ZNHIT1: variants seen among roughly 807,000 people sequenced by gnomAD.
ZNHIT1 encodes the protein zinc finger HIT domain-containing protein 1.
A neutral mutation model predicts 21.4 loss-of-function variants in ZNHIT1; 20 were observed. That is an observed-to-expected ratio of 0.93 (90% CI 0.66 to 1.36). The LOEUF is 1.36. Among genes scored for constraint, ZNHIT1 ranks in the 40% most tolerant of loss-of-function variants. ZNHIT1 has a pLI of 0.00. For missense variants in ZNHIT1, 170 were observed against 213.5 expected, an observed-to-expected ratio of 0.80 and a Z score of 1.27; for synonymous variants, 79 against 84.0, an observed-to-expected ratio of 0.94 and a Z score of 0.32.
In ZNHIT1 at chr7:101,222,766, C is replaced by T. The variant is rs372877953; in HGVS notation, c.185C>T (p.Ala62Val). Reference protein sequence around the residue: ...GKRLPQFDDDADTGKKKKKTR... With the variant: ...GKRLPQFDDDVDTGKKKKKTR... ...AGACTGCCTCAGTTTGATGACGATG[C>T]GGACACTGGTGAGGCGGATGGAGGA... is the stretch of plus-strand genomic sequence containing the variant. The change falls in exon 2 of 5, where the codon GCG becomes GTG. Residue 62 changes from alanine to valine, a missense_variant. Coordinates refer to ENST00000305105, the MANE Select transcript of ZNHIT1 (RefSeq NM_006349.3). 1.9e-5 allele frequency: 31 copies of T among 1,613,472 alleles called. No homozygotes were observed. The Middle Eastern group carries it at 4.9e-4, about 26-fold the overall frequency.
intron 1 of ZNHIT1, chr7:101,220,963 G>A (rs1480383916): frequency 6.6e-6 from 1 of 152,220 alleles, no homozygotes; most frequent in Non-Finnish European, 1.5e-5. Context: ...CGTTGGTCAG[G>A]CTGGTCTCGA....
chr7:101,218,565 C>T (rs894661111), intron 1 of ZNHIT1: 69 of 296,302 alleles, frequency 2.3e-4, no homozygotes, highest in Non-Finnish European at 7.5e-5. Flanking sequence ...CGTGAGCTGC[C>T]GCGCCCGGCC....
intron 1 of ZNHIT1, chr7:101,221,892 G>A (rs1482350216): frequency 6.6e-6 from 1 of 152,120 alleles, no homozygotes; most frequent in Admixed American, 6.6e-5. Flanking sequence ...GTGGGTGGGT[G>A]GTCCCCCAGG....
In ZNHIT1 at chr7:101,223,533, T is replaced by C. The variant is rs1383354696; in HGVS notation, c.250T>C (p.Phe84Leu). 2 of 1,614,016 alleles carry C rather than the reference T, an allele frequency of 1.2e-6. No homozygotes were observed. Among genetic ancestry groups the C allele is most frequent in the Non-Finnish European group, 1.7e-6 (2 of 1,180,010 alleles). The change falls in exon 3 of 5, where the codon TTT (phenylalanine) becomes CTT (leucine). Residue 84 changes from phenylalanine (F) to leucine (L), a missense_variant. Transcript: ENST00000305105. ...TTTTAAACTTCGCTTCCGAAAAAACTTTCAGGCCCTGTTGGAGGAGCAGGT... is the reference window on the plus strand; with the variant it reads ...TTTTAAACTTCGCTTCCGAAAAAACCTTCAGGCCCTGTTGGAGGAGCAGGT... ...DHFKLRFRKN[F>L]QALLEEQNLS...
At chr7:101,223,593 A>G in intron 3 of ZNHIT1, 37 bp downstream of exon 3, 1 of 1,614,038 alleles carries the variant, frequency 6.2e-7, no homozygotes. Flanking sequence ...CCCCACAGGG[A>G]AGGGGTGAGC....
At position 101,218,635 on chromosome 7, in the gene ZNHIT1, C is replaced by T. The variant is rs141421517; in HGVS notation, c.22+418C>T. The T allele has an allele frequency of 2.1e-4, 41 of 196,940 alleles. 1 individual carries two copies. In the South Asian group the frequency reaches 5.1e-3, roughly 25 times the overall value. The allele number at this position is 196,940 out of a possible 1,614,324, so 12.2% of individuals were successfully genotyped here. A position where few individuals can be genotyped will look rare whatever the true frequency, so the allele number is the denominator to read the frequency against. ...CGGGTCCTGGCGTTGACCCTTCATTCACGTTTTATTGGTGCCTGCTCCAAG... is the reference window on the plus strand; with the variant it reads ...CGGGTCCTGGCGTTGACCCTTCATTTACGTTTTATTGGTGCCTGCTCCAAG... On this transcript the variant is annotated intron_variant, in intron 1 of 4. Transcript: ENST00000305105.
intron 1 of ZNHIT1, 52 bp from the exon 2 acceptor site, chr7:101,222,552 A>G: frequency 6.4e-7 from 1 of 1,571,384 alleles, no homozygotes; most frequent in Non-Finnish European, 8.6e-7. Context: ...AGCGGCGGCC[A>G]CACTGCTCTT....
rs202208936 is a variant in ZNHIT1 at position 101,223,654 on chromosome 7, C to T, written c.274-19C>T. On this transcript the variant is annotated intron_variant, in intron 3 of 4. Coordinates refer to ENST00000305105, the MANE Select transcript of ZNHIT1 (RefSeq NM_006349.3). ...TGGGTGGGCGGAGGAGTTCTAGAGC[C>T]GGCCCCTTGTCTCTGCAGAACTTGA... 45 of 1,611,440 alleles carry T rather than the reference C, an allele frequency of 2.8e-5. No homozygotes were observed. The Admixed American group carries it at 3.4e-4, about 12-fold the overall frequency.
chr7:101,218,215 C>A lies in ZNHIT1; in HGVS notation c.20C>A (p.Ser7Ter), dbSNP rs138972607. 5.3e-5 allele frequency: 86 copies of A among 1,612,716 alleles called. No homozygotes were observed. The highest frequency in any genetic ancestry group is 2.5e-4 in the Admixed American group (15 of 59,750). ...GTGCCAATGGTGGAGAAGAAAACTT[C>A]GGGTATGTGAGCCCCCGCGGTTCGC... MVEKKT[S>*]VRSQDPGQRR... The change falls in exon 1 of 5, where the codon TCG becomes TAG. Residue 7 changes from serine (S) to a stop codon, truncating the protein, a stop_gained and splice_region_variant. Transcript: ENST00000305105. LOFTEE classifies it high-confidence loss of function.
At chr7:101,220,270 C>T (rs1798350009) in intron 1 of ZNHIT1, 1 of 151,792 alleles carries the variant, frequency 6.6e-6, no homozygotes, top group South Asian at 2.1e-4. Context: ...CAGGTGTGTC[C>T]CACTACACCT....
rs1464140069 is a variant in ZNHIT1, at chr7:101,222,607, G to A, written c.26G>A (p.Arg9His). 2 of 1,612,284 alleles carry A rather than the reference G, an allele frequency of 1.2e-6. No individual in the cohort carries two copies. Among genetic ancestry groups the A allele is most frequent in the East Asian group, 2.2e-5 (1 of 44,864 alleles). Residue 9 changes from arginine (R) to histidine (H), a missense_variant, in exon 2 of 5, where the codon CGC becomes CAC. Transcript: ENST00000305105. MVEKKTSV[R>H]SQDPGQRRVL... ...TTGCGTGCCCTGCTCCATCCAGTTC[G>A]CTCCCAGGACCCCGGGCAGCGGCGG...
Position 101,218,178 on chromosome 7 carries a change from G to A in ZNHIT1, c.-18G>A. On this transcript the variant is annotated 5_prime_UTR_variant, in exon 1 of 5. Coordinates refer to ENST00000305105, the MANE Select transcript of ZNHIT1 (RefSeq NM_006349.3). Reference sequence around the variant, plus strand: ...GTACGCGTGCGCAGCAGTTTCTTCCGACAGTTGTGTTGTGCCAATGGTGGA... The same window carrying A: ...GTACGCGTGCGCAGCAGTTTCTTCCAACAGTTGTGTTGTGCCAATGGTGGA... 7 of 1,612,564 alleles carry A rather than the reference G, an allele frequency of 4.3e-6. No homozygotes were observed. Among genetic ancestry groups the A allele is most frequent in the South Asian group, 1.1e-5 (1 of 91,010 alleles).
chr7:101,223,550 G>A lies in ZNHIT1; in HGVS notation c.267G>A (p.Glu89=). The A allele has an allele frequency of 6.2e-7, 1 of 1,614,216 alleles. No homozygotes were observed. The highest frequency in any genetic ancestry group is 8.5e-7 in the Non-Finnish European group (1 of 1,180,026). The change falls in exon 3 of 5, where the codon GAG becomes GAA. Residue 89 remains glutamate, a synonymous_variant. Coordinates refer to ENST00000305105, the MANE Select transcript of ZNHIT1 (RefSeq NM_006349.3). ...GAAAAAACTTTCAGGCCCTGTTGGA[G>A]GAGCAGGTGAGAGGAGGGTCGGCCT... ...RFRKNFQALL[E]EQNLSVAEGP... is the part of the protein sequence containing the mutation.
chr7:101,224,062 A>G lies in ZNHIT1; in HGVS notation c.*104A>G. On this transcript the variant is annotated 3_prime_UTR_variant, in exon 5 of 5. Transcript: ENST00000305105. ...GGGGGAGCTCTTCCTGGACCAAGGG[A>G]GGAGCCGCTCATTCACCCAACAAAA... is the stretch of plus-strand genomic sequence containing the variant. 5 of 1,554,962 alleles carry G rather than the reference A, an allele frequency of 3.2e-6. No individual in the cohort carries two copies. The highest frequency in any genetic ancestry group is 4.4e-6 in the Non-Finnish European group (5 of 1,134,192).
chr7:101,218,467 C>T (rs1798321331), intron 1 of ZNHIT1: 4 of 518,802 alleles, frequency 7.7e-6, no homozygotes. Flanking sequence ...TGGTGACGGG[C>T]TCTCGCTATG....
At position 101,222,617 on chromosome 7, in the gene ZNHIT1, C is replaced by A; in HGVS notation, c.36C>A (p.Asp12Glu). The change falls in exon 2 of 5, where the codon GAC becomes GAA. Residue 12 changes from aspartate (D) to glutamate (E), a missense_variant. Physicochemically the swap from Asp to Glu is conservative, Grantham distance 45. Transcript: ENST00000305105. ...VEKKTSVRSQ[D>E]PGQRRVLDRA... ...TGCTCCATCCAGTTCGCTCCCAGGA[C>A]CCCGGGCAGCGGCGGGTGCTGGACC... 1 of 1,612,976 alleles carries A rather than the reference C, an allele frequency of 6.2e-7. No homozygotes were observed. The highest frequency in any genetic ancestry group is 8.5e-7 in the Non-Finnish European group (1 of 1,179,454).
intron 1 of ZNHIT1, 132 bp downstream of exon 1, chr7:101,218,349 C>T (rs771761603): frequency 8.1e-6 from 8 of 988,500 alleles, no homozygotes; most frequent in Non-Finnish European, 1.0e-5. Flanking sequence ...TCATAGCTCA[C>T]TGCAGCCTCG....
chr7:101,220,760 T>A (rs996546418), intron 1 of ZNHIT1: 3 of 152,048 alleles, frequency 2.0e-5, no homozygotes, highest in Admixed American at 2.0e-4. Flanking sequence ...GTTTTTTGTT[T>A]TTTGTTTTTG....
rs779769792 is a variant in ZNHIT1 at position 101,223,871 on chromosome 7, ACTCC to A, written c.443+34_443+37del. ...AGCATGAGACCTGCTGTCCACTCCC[ACTCC>A]CTCCTTCCCACAGCCTCCCCAGACC... On this transcript the variant is annotated intron_variant, in intron 4 of 4. Transcript: ENST00000305105. The A allele has an allele frequency of 5.0e-6, 8 of 1,612,168 alleles. No individual in the cohort carries two copies. The Admixed American group carries it at 8.4e-5, about 17-fold the overall frequency.
Sources: allele counts gnomAD v4.1 joint callset, GRCh38; gene constraint gnomAD v4.1.1; transcripts MANE v1.5; gene names NCBI Gene and HGNC (gene_info 2026-07-23, HGNC 2026-07-21).